PML: variants seen among roughly 807,000 people sequenced by gnomAD.
PML encodes protein PML.
In PML, 28 loss-of-function variants were observed where a neutral mutation model predicts 65.2. The observed-to-expected ratio is 0.43, with a 90% CI of 0.32 to 0.59. The LOEUF (loss-of-function observed/expected upper bound fraction) is 0.59. Among genes scored for constraint, PML ranks in the 20% least tolerant of loss-of-function variants. PML has a pLI of 0.08. For missense variants in PML, 1,021 were observed against 1,203.4 expected (o/e 0.85, Z 2.24); for synonymous variants, 500 against 508.8 (o/e 0.98, Z 0.23).
At chr15:74,036,217 A>C in intron 7 of PML, 1 of 1,560,022 alleles carries the variant, frequency 6.4e-7, no homozygotes, top group South Asian at 1.2e-5. Context: ...AACTTCTGTC[A>C]CCCTTGCACT....
intron 1 of PML, among the ~76,000 whole-genome samples, chr15:73,996,666 C>A (rs1240029998): frequency 6.6e-6 from 1 of 152,166 alleles, no homozygotes; most frequent in Non-Finnish European, 1.5e-5. Context: ...CAGAGCTATT[C>A]CTGTATCAGC....
At position 74,033,253 on chromosome 15, in the gene PML, C is replaced by T. The variant is rs1040029293; in HGVS notation, c.1496C>T (p.Ala499Val). The T allele has an allele frequency of 6.2e-7, 1 of 1,614,220 alleles. No homozygotes were observed. The highest frequency in any genetic ancestry group is 8.5e-7 in the Non-Finnish European group (1 of 1,180,030). Reference protein sequence around the residue: ...IKMESEEGKEARLARSSPEQP... With the variant: ...IKMESEEGKEVRLARSSPEQP... ...ATGGAGTCTGAGGAGGGGAAGGAGGCAAGGTTGGCTCGGAGCTCCCCGGAG... is the reference window on the plus strand; with the variant it reads ...ATGGAGTCTGAGGAGGGGAAGGAGGTAAGGTTGGCTCGGAGCTCCCCGGAG... The change falls in exon 6 of 9, where the codon GCA becomes GTA. Residue 499 changes from alanine (A) to valine (V), a missense_variant. Transcript: ENST00000268058.
intron 2 of PML, among the ~76,000 whole-genome samples, chr15:74,020,992 G>T (rs749829935): frequency 1.3e-5 from 2 of 152,136 alleles, no homozygotes; most frequent in Non-Finnish European, 2.9e-5. Flanking sequence ...AATAACACCT[G>T]CAAAGACCCT....
chr15:74,003,565 G>C (rs1414294654), intron 2 of PML, among the ~76,000 whole-genome samples: 2 of 152,172 alleles, frequency 1.3e-5, no homozygotes, highest in Non-Finnish European at 2.9e-5. Flanking sequence ...CACTTTTATA[G>C]TTTTTCTTCT....
intron 7 of PML, among the ~76,000 whole-genome samples, chr15:74,039,052 C>T (rs893507774): frequency 6.6e-6 from 1 of 152,222 alleles, no homozygotes. Context: ...TTTTCACCCA[C>T]TCTTGTGACA....
At chr15:74,039,396 A>G (rs535861613) in intron 7 of PML, among the ~76,000 whole-genome samples, 2 of 152,336 alleles carry the variant, frequency 1.3e-5, no homozygotes, top group South Asian at 4.1e-4. Flanking sequence ...ATAGCAATGC[A>G]TGTGTCTTGC....
Position 73,998,219 on chromosome 15 carries a change from C to T in PML, c.345C>T (p.Arg115=), listed in dbSNP as rs753820877. Residue 115 remains arginine (R), a synonymous_variant, in exon 2 of 9, where the codon CGC becomes CGT. Coordinates refer to ENST00000268058, the MANE Select transcript of PML (RefSeq NM_033238.3). Reference sequence around the variant, plus strand: ...TCTTTTTCGAGAGTCTGCAGCGGCGCCTGTCGGTGTACCGGCAGATTGTGG... The same window carrying T: ...TCTTTTTCGAGAGTCTGCAGCGGCGTCTGTCGGTGTACCGGCAGATTGTGG... ...DNVFFESLQR[R]LSVYRQIVDA... is the part of the protein sequence containing the mutation. The T allele has an allele frequency of 4.3e-6, 7 of 1,614,118 alleles. No homozygotes were observed. In the Admixed American group the frequency reaches 8.3e-5, roughly 19 times the overall value.
Position 74,043,459 on chromosome 15 carries a change from A to G in PML, c.1861+320A>G. The G allele has an allele frequency of 1.6e-6, 2 of 1,219,190 alleles. No homozygotes were observed. Among genetic ancestry groups the G allele is most frequent in the Non-Finnish European group, 1.1e-6 (1 of 924,908 alleles). 75.5% of individuals were successfully genotyped at this position (1,219,190 alleles called of 1,614,324 possible). A position where few individuals can be genotyped will look rare whatever the true frequency, so the allele number is the denominator to read the frequency against. ...AGACAGAAACACAATGCGTGAGCTCATTGCCGTGAGCCCTGTCATCCAAGT... is the reference window on the plus strand; with the variant it reads ...AGACAGAAACACAATGCGTGAGCTCGTTGCCGTGAGCCCTGTCATCCAAGT... On this transcript the variant is annotated intron_variant, in intron 8 of 8. Transcript: ENST00000268058. The surrounding 1 kb of genome is among the most constrained non-coding windows in gnomAD (Gnocchi z 4.3).
intron 4 of PML, chr15:74,028,174 T>C (rs1434921806): frequency 1.3e-5 from 2 of 152,162 alleles, no homozygotes. Context: ...AATACTTTAA[T>C]GGAAAAAAAT....
intron 2 of PML, among the ~76,000 whole-genome samples, chr15:74,007,676 G>T (rs1022044143): frequency 6.6e-6 from 1 of 151,324 alleles, no homozygotes; most frequent in Non-Finnish European, 1.5e-5. Context: ...GTCTGCCCTG[G>T]GGTGGCTGCC....
At chr15:74,022,709 A>G in intron 2 of PML, 119 bp from the exon 3 acceptor site, 1 of 842,760 alleles carries the variant, frequency 1.2e-6, no homozygotes, top group Non-Finnish European at 2.0e-6. Flanking sequence ...AAAAGCAGAA[A>G]CCTAGAAACA....
At chr15:74,008,990 C>T (rs1489513022) in intron 2 of PML, among the ~76,000 whole-genome samples, 1 of 152,146 alleles carries the variant, frequency 6.6e-6, no homozygotes, top group East Asian at 1.9e-4. Flanking sequence ...GGAAAGGGAG[C>T]CTCATGAGTA....
At position 74,035,714 on chromosome 15, in the gene PML, C is replaced by T. The variant is rs777860927; in HGVS notation, c.1710+1184C>T. The T allele has an allele frequency of 4.3e-6, 7 of 1,613,994 alleles. No individual in the cohort carries two copies. Among genetic ancestry groups the T allele is most frequent in the Admixed American group, 1.7e-5 (1 of 60,010 alleles). On this transcript the variant is annotated intron_variant, in intron 7 of 8. Transcript: ENST00000268058. This position sits in a 1 kb window ranked among gnomAD's most constrained non-coding sequence, Gnocchi z 4.1. ...CCCAGTGGCTCAACAACTTTTTTGC[C>T]CTCCCCTTCTCCTCCATGGCTTCCC...
At position 74,016,792 on chromosome 15, in the gene PML, C is replaced by CTTTTTTT. The variant is rs535665071; in HGVS notation, c.603-6020_603-6014dup. ...TTTTGAATTTTTTAGGCAGTGGCAT[C>CTTTTTTT]TTTTTTTTTTTTTTTTTTTTTTGAG... is the stretch of plus-strand genomic sequence containing the variant. On this transcript the variant is annotated intron_variant, in intron 2 of 8. Coordinates refer to ENST00000268058, the MANE Select transcript of PML (RefSeq NM_033238.3). 5.7e-4 allele frequency among the ~76,000 whole-genome samples: 44 copies of CTTTTTTT among 77,648 alleles called. 14 individuals are homozygous for CTTTTTTT. Among genetic ancestry groups the CTTTTTTT allele is most frequent in the East Asian group, 2.7e-3 (6 of 2,254 alleles). The allele number at this position is 77,648 out of a possible 152,430, so 50.9% of individuals were successfully genotyped here.
intron 6 of PML, chr15:74,033,782 ACCT>A: frequency 3.4e-6 from 2 of 580,814 alleles, no homozygotes; most frequent in South Asian, 2.2e-5. Context: ...ACTCCCCATG[ACCT>A]TAACTCTGCT....
intron 2 of PML, among the ~76,000 whole-genome samples, 198 bp downstream of exon 2, chr15:73,998,674 A>G (rs1477321359): frequency 6.6e-6 from 1 of 152,236 alleles, no homozygotes; most frequent in African/African-American, 2.4e-5. Flanking sequence ...GTGGATAGTA[A>G]GTTTCCAGTT....
In PML at chr15:74,045,630, A is replaced by G; in HGVS notation, c.*622A>G. The G allele has an allele frequency of 4.3e-6, 1 of 233,642 alleles. No homozygotes were observed. Among genetic ancestry groups the G allele is most frequent in the Non-Finnish European group, 8.4e-6 (1 of 118,464 alleles). The allele number at this position is 233,642 out of a possible 1,614,324, so 14.5% of individuals were successfully genotyped here. A position where few individuals can be genotyped will look rare whatever the true frequency, so the allele number is the denominator to read the frequency against. On this transcript the variant is annotated 3_prime_UTR_variant, in exon 9 of 9. Transcript: ENST00000268058. ...TGCATGTCCCTGCTTCCAAAGCCTG[A>G]CCTTCCAAAGCTTGCTTCCTTCCTC...
intron 4 of PML, among the ~76,000 whole-genome samples, chr15:74,029,769 C>T (rs977398871): frequency 6.6e-6 from 1 of 152,094 alleles, no homozygotes; most frequent in Non-Finnish European, 1.5e-5. Flanking sequence ...ATGGTTGGAT[C>T]CACTAATGGG....
rs1020660622 is a variant in PML, at chr15:73,994,855, C to T, written c.43C>T (p.Pro15Ser). Residue 15 changes from proline to serine, a missense_variant, in exon 1 of 9, where the codon CCC becomes TCC. By Grantham distance (74) the Pro-to-Ser change is moderately conservative. Transcript: ENST00000268058. The stretch of plus-strand genomic sequence containing the variant: ...CCGATCTCCGAGGCCCCAGCAGGAC[C>T]CCGCCCGGCCCCAGGAGCCCACCAT... ...PARSPRPQQD[P>S]ARPQEPTMPP... is the part of the protein sequence containing the mutation. The T allele has an allele frequency of 6.4e-7, 1 of 1,559,048 alleles. No individual in the cohort carries two copies. Among genetic ancestry groups the T allele is most frequent in the Non-Finnish European group, 8.7e-7 (1 of 1,151,076 alleles).
Sources: allele counts gnomAD v4.1 joint callset (sites outside exome capture counted in the v4.1 genomes callset), GRCh38; gene constraint gnomAD v4.1.1; non-coding constraint Gnocchi (gnomAD v3.1); transcripts MANE v1.5; gene names NCBI Gene and HGNC (gene_info 2026-07-23, HGNC 2026-07-21).